Variants in GRIN2B observed in about 807,000 individuals in gnomAD.
The protein encoded by GRIN2B is glutamate receptor ionotropic, NMDA 2B.
GRIN2B carries 5 observed loss-of-function variants against 114.5 expected under a neutral mutation model. The ratio of observed to expected loss-of-function variants is 0.04; its 90% CI spans 0.02 to 0.09. The LOEUF (loss-of-function observed/expected upper bound fraction) is 0.09. Among genes scored for constraint, GRIN2B ranks in the 10% least tolerant of loss-of-function variants. The probability of loss-of-function intolerance (pLI) is 1.00; values close to 1 mark genes in which losing one functional copy is unlikely to be tolerated. For missense variants in GRIN2B, 1,108 were observed against 1,943.5 expected (o/e 0.57, Z 8.08); for synonymous variants, 787 against 745.1 (o/e 1.06, Z -0.92).
At chr12:13,779,131 C>T (rs1245722244) in intron 3 of GRIN2B, among the ~76,000 whole-genome samples, 4 of 152,216 alleles carry the variant, frequency 2.6e-5, no homozygotes, top group Non-Finnish European at 1.5e-5. Context: ...GCAACCTCCG[C>T]CTCCTGGCTT....
chr12:13,821,774 T>C (rs1864943279), intron 3 of GRIN2B, among the ~76,000 whole-genome samples: 1 of 152,208 alleles, frequency 6.6e-6, no homozygotes, highest in Admixed American at 6.5e-5. Context: ...TACAATCTAG[T>C]GAACTATTGA....
At chr12:13,585,805 G>T (rs1948914749) in intron 10 of GRIN2B, among the ~76,000 whole-genome samples, 1 of 152,188 alleles carries the variant, frequency 6.6e-6, no homozygotes, top group South Asian at 2.1e-4. Flanking sequence ...AGACCAAACA[G>T]CCATTGTCTG....
chr12:13,785,428 C>G (rs906916647), intron 3 of GRIN2B, among the ~76,000 whole-genome samples: 1 of 152,156 alleles, frequency 6.6e-6, no homozygotes, highest in Non-Finnish European at 1.5e-5. Context: ...GCCCAAACAC[C>G]CTTTTCCAGG....
intron 4 of GRIN2B, among the ~76,000 whole-genome samples, chr12:13,733,085 A>G (rs1358091814): frequency 6.6e-6 from 1 of 152,190 alleles, no homozygotes; most frequent in Non-Finnish European, 1.5e-5. Flanking sequence ...ATTAAAGGAA[A>G]GGAGTGAGGG....
At chr12:13,711,245 T>C (rs1950411389) in intron 4 of GRIN2B, among the ~76,000 whole-genome samples, 1 of 151,944 alleles carries the variant, frequency 6.6e-6, no homozygotes, top group African/African-American at 2.4e-5. Flanking sequence ...GATTAAAGAC[T>C]TACATGTTAG....
At chr12:13,746,141 T>G (rs1044309512) in intron 4 of GRIN2B, among the ~76,000 whole-genome samples, 1 of 152,122 alleles carries the variant, frequency 6.6e-6, no homozygotes, top group Non-Finnish European at 1.5e-5. Context: ...CAAGTTGCCC[T>G]TTTAAACAGA....
chr12:13,902,335 T>C (rs1400803913), intron 2 of GRIN2B, among the ~76,000 whole-genome samples: 2 of 152,204 alleles, frequency 1.3e-5, no homozygotes, highest in Admixed American at 6.5e-5. Flanking sequence ...GGCAAGTTAA[T>C]AATTTTAAAA....
At chr12:13,735,471 C>T (rs142416723) in intron 4 of GRIN2B, among the ~76,000 whole-genome samples, 148 of 152,322 alleles carry the variant, frequency 9.7e-4, no homozygotes, top group Middle Eastern at 3.4e-3. Context: ...AAATTTTAAG[C>T]ATATACTCCT....
chr12:13,670,120 T>C (rs1950009836), intron 5 of GRIN2B, among the ~76,000 whole-genome samples: 1 of 152,140 alleles, frequency 6.6e-6, no homozygotes, highest in African/African-American at 2.4e-5. Context: ...TATCATGGGT[T>C]CAAAACTGTG....
intron 5 of GRIN2B, among the ~76,000 whole-genome samples, chr12:13,661,474 T>C (rs901612412): frequency 1.3e-5 from 2 of 152,194 alleles, no homozygotes; most frequent in Non-Finnish European, 1.5e-5. Flanking sequence ...GTGCTCAGAA[T>C]TCGCAGCTGC....
chr12:13,723,892 A>G (rs1334259377), intron 4 of GRIN2B, among the ~76,000 whole-genome samples: 2 of 152,264 alleles, frequency 1.3e-5, no homozygotes, highest in African/African-American at 4.8e-5. Flanking sequence ...ATCCAGAGGA[A>G]AAAAACTAAT....
chr12:13,699,869 G>A (rs1591683742), intron 4 of GRIN2B, among the ~76,000 whole-genome samples: 1 of 141,464 alleles, frequency 7.1e-6, no homozygotes, highest in African/African-American at 2.6e-5. Flanking sequence ...TTACAGGCAT[G>A]AGCCACCGCA....
At position 13,549,718 on chromosome 12, in the gene GRIN2B, T is replaced by A. The variant is rs1948387125; in HGVS notation, c.*13065A>T. 1 of 152,214 alleles carries A rather than the reference T, an allele frequency of 6.6e-6. No individual in the cohort carries two copies. The highest frequency in any genetic ancestry group is 1.9e-4 in the East Asian group (1 of 5,204). The allele number at this position is 152,214 out of a possible 1,614,324, so 9.4% of individuals were successfully genotyped here. On this transcript the variant is annotated 3_prime_UTR_variant, in exon 14 of 14. Transcript: ENST00000609686. ...AAAATTTTTAATAATAAAAAATTAT[T>A]CACAATATCTTACCCTATAGAATTC...
At chr12:13,616,246 G>A (rs1237333495) in intron 6 of GRIN2B, among the ~76,000 whole-genome samples, 1 of 152,146 alleles carries the variant, frequency 6.6e-6, no homozygotes, top group Non-Finnish European at 1.5e-5. Context: ...TTTAGCGTGG[G>A]AAGTTGGCCA....
At chr12:13,757,055 C>A (rs1863588485) in intron 3 of GRIN2B, among the ~76,000 whole-genome samples, 1 of 152,186 alleles carries the variant, frequency 6.6e-6, no homozygotes, top group Non-Finnish European at 1.5e-5. Context: ...CTACTGTCCT[C>A]CACAATCTGA....
chr12:13,886,810 A>G (rs1038931914), intron 2 of GRIN2B, among the ~76,000 whole-genome samples: 1 of 152,188 alleles, frequency 6.6e-6, no homozygotes, highest in East Asian at 1.9e-4. Context: ...TGATGCTTCT[A>G]CAATAGAGGT....
chr12:13,670,815 G>A (rs949771090), intron 5 of GRIN2B, among the ~76,000 whole-genome samples: 1 of 152,106 alleles, frequency 6.6e-6, no homozygotes, highest in Admixed American at 6.5e-5. Flanking sequence ...ATACCAGGGA[G>A]ATGTTCTTGG....
intron 4 of GRIN2B, among the ~76,000 whole-genome samples, chr12:13,752,194 T>C (rs1863494820): frequency 6.6e-6 from 1 of 152,238 alleles, no homozygotes; most frequent in South Asian, 2.1e-4. Context: ...TAATATTTTA[T>C]TTATTAAGCT....
At chr12:13,859,906 G>C (rs553897586) in intron 3 of GRIN2B, among the ~76,000 whole-genome samples, 2 of 152,190 alleles carry the variant, frequency 1.3e-5, no homozygotes, top group African/African-American at 4.8e-5. Context: ...TCCAAGAAAT[G>C]CCATAACATT....
Sources: gnomAD v4.1 joint callset for allele counts (sites outside exome capture counted in the v4.1 genomes callset) on GRCh38, gnomAD v4.1.1 for gene constraint, MANE v1.5 for transcripts, NCBI Gene and HGNC (gene_info 2026-07-23, HGNC 2026-07-21) for gene names.